Variants in FMN1 observed in about 807,000 individuals in gnomAD.
FMN1 encodes the protein formin-1.
In FMN1, 110 loss-of-function variants were observed where a neutral mutation model predicts 132.4. The observed-to-expected ratio is 0.83, with a 90% CI of 0.71 to 0.97. The LOEUF (loss-of-function observed/expected upper bound fraction) is 0.97, where lower values mean the gene tolerates loss of function less well. Ranked by LOEUF, FMN1 falls within the 50% of genes least tolerant of loss-of-function variation. The pLI, the probability that FMN1 is intolerant of heterozygous loss-of-function variation, is 0.00. For missense variants in FMN1, 1,792 were observed against 1,705.3 expected (o/e 1.05, Z -0.90); for synonymous variants, 722 against 651.7 (o/e 1.11, Z -1.64).
intron 17 of FMN1, among the ~76,000 whole-genome samples, chr15:32,845,921 A>G (rs2058844671): frequency 6.6e-6 from 1 of 152,038 alleles, no homozygotes; most frequent in Admixed American, 6.6e-5. Context: ...TCATAATGAC[A>G]CTGTGTACTA....
chr15:33,056,224 G>A (rs543480896), intron 6 of FMN1, among the ~76,000 whole-genome samples: 1 of 152,278 alleles, frequency 6.6e-6, no homozygotes, highest in African/African-American at 2.4e-5. Context: ...ATGTCTCCCT[G>A]TATTTACCAA....
chr15:32,778,927 C>A (rs768881046), intron 19 of FMN1, among the ~76,000 whole-genome samples: 4 of 151,978 alleles, frequency 2.6e-5, no homozygotes, highest in Non-Finnish European at 4.4e-5. Flanking sequence ...ATTTCCATCA[C>A]CTGATGGAAA....
At chr15:32,916,730 A>C (rs1053503115) in intron 10 of FMN1, among the ~76,000 whole-genome samples, 1 of 152,228 alleles carries the variant, frequency 6.6e-6, no homozygotes, top group Non-Finnish European at 1.5e-5. Flanking sequence ...CCAGCCCAGG[A>C]AAGCAAAGTT....
In FMN1 at chr15:32,969,168, T is replaced by C. The variant is rs376674348; in HGVS notation, c.2533A>G (p.Asn845Asp). 197 of 1,613,682 alleles carry C rather than the reference T, an allele frequency of 1.2e-4. No homozygotes were observed. Among genetic ancestry groups the C allele is most frequent in the Middle Eastern group, 1.6e-4 (1 of 6,084 alleles). Residue 845 changes from asparagine to aspartate, a missense_variant, in exon 8 of 21, where the codon AAT (asparagine) becomes GAT (aspartate). Around this residue, in one of 3 missense-constraint regions of FMN1, gnomAD observed 1,150 missense variants for 1,043.1 expected, o/e 1.10. Coordinates refer to ENST00000616417, the MANE Select transcript of FMN1 (RefSeq NM_001277313.2). ...ISSLSQLSPP[N>D]DHKDIHAALQ... ...GCTGCATGGATGTCTTTGTGGTCAT[T>C]TGGGGGTGAGAGCTGGCTTAAAGAG...
Position 33,066,647 on chromosome 15 carries a change from G to T in FMN1, c.2044-1573C>A, listed in dbSNP as rs781446079. On this transcript the variant is annotated intron_variant, in intron 5 of 20. Coordinates refer to ENST00000616417, the MANE Select transcript of FMN1 (RefSeq NM_001277313.2). The stretch of plus-strand genomic sequence containing the variant: ...GGTGTCAGCTGTGGTCCCCTTTCTG[G>T]GGGGCCGGATGAATAGGGCTTTAAA... The T allele has an allele frequency of 5.6e-6, 9 of 1,613,808 alleles. No individual in the cohort carries two copies. The East Asian group carries it at 2.0e-4, about 36-fold the overall frequency.
intron 17 of FMN1, among the ~76,000 whole-genome samples, chr15:32,805,120 C>G (rs1169693887): frequency 2.0e-5 from 3 of 152,044 alleles, no homozygotes; most frequent in African/African-American, 7.2e-5. Flanking sequence ...AATTTACACT[C>G]CCAACAGTGT....
At chr15:32,853,287 T>C (rs2059050404) in intron 17 of FMN1, among the ~76,000 whole-genome samples, 2 of 152,244 alleles carry the variant, frequency 1.3e-5, no homozygotes, top group Admixed American at 1.3e-4. Context: ...TGATTCTATA[T>C]GCCTAATTAT....
At chr15:32,907,811 G>A (rs2060463428) in intron 12 of FMN1, among the ~76,000 whole-genome samples, 1 of 150,640 alleles carries the variant, frequency 6.6e-6, no homozygotes, top group Non-Finnish European at 1.5e-5. Context: ...GTCTCACAGA[G>A]TCCTAAGCCC....
At chr15:33,168,198 C>T (rs960457662) in intron 3 of FMN1, among the ~76,000 whole-genome samples, 8 of 152,190 alleles carry the variant, frequency 5.3e-5, no homozygotes, top group Non-Finnish European at 8.8e-5. Flanking sequence ...TTAAAAGTCT[C>T]TCTGAGTAAA....
At chr15:32,897,785 C>A (rs2060195897) in intron 15 of FMN1, among the ~76,000 whole-genome samples, 1 of 150,478 alleles carries the variant, frequency 6.6e-6, no homozygotes, top group Non-Finnish European at 1.5e-5. Flanking sequence ...GTGAAATTCT[C>A]CAAGTGAGTG....
chr15:33,081,167 A>C, intron 5 of FMN1, among the ~76,000 whole-genome samples: 1 of 152,154 alleles, frequency 6.6e-6, no homozygotes. Context: ...TTAAGACAAG[A>C]GCCTGGACCG....
At chr15:32,827,613 G>A (rs1203812674) in intron 17 of FMN1, among the ~76,000 whole-genome samples, 1 of 152,148 alleles carries the variant, frequency 6.6e-6, no homozygotes, top group Non-Finnish European at 1.5e-5. Context: ...CACTCTGGGA[G>A]GCCGAGACAG....
chr15:33,101,309 T>C (rs7177958), intron 4 of FMN1, among the ~76,000 whole-genome samples: 17,863 of 152,108 alleles, frequency 0.12, 1,932 homozygotes, highest in East Asian at 0.61. Context: ...GTAAATTCAG[T>C]TAATGGTATT....
intron 9 of FMN1, among the ~76,000 whole-genome samples, chr15:32,963,776 A>C (rs974095115): frequency 6.6e-6 from 1 of 152,198 alleles, no homozygotes; most frequent in Non-Finnish European, 1.5e-5. Context: ...TCCAGATTAA[A>C]TTTTGAAAAT....
intron 7 of FMN1, among the ~76,000 whole-genome samples, chr15:33,005,347 G>C (rs1026707850): frequency 1.3e-5 from 2 of 152,154 alleles, no homozygotes; most frequent in Non-Finnish European, 2.9e-5. Context: ...ATCATCAAAA[G>C]AGCAGATGAT....
chr15:32,993,913 G>T (rs34895520), intron 7 of FMN1, among the ~76,000 whole-genome samples: 1 of 94,460 alleles, frequency 1.1e-5, no homozygotes, highest in South Asian at 3.0e-4. Context: ...GGGGCGGGGT[G>T]GGGGGGGTCT....
At chr15:33,022,097 T>C (rs910423274) in intron 6 of FMN1, among the ~76,000 whole-genome samples, 2 of 152,240 alleles carry the variant, frequency 1.3e-5, no homozygotes, top group East Asian at 3.8e-4. Flanking sequence ...CATTTGTGTA[T>C]AACCTATGCA....
At chr15:33,046,899 ATAAGG>A (rs2036713004) in intron 6 of FMN1, among the ~76,000 whole-genome samples, 1 of 152,188 alleles carries the variant, frequency 6.6e-6, no homozygotes, top group South Asian at 2.1e-4. Flanking sequence ...CGGTTCTATC[ATAAGG>A]AAGAATACCG....
intron 4 of FMN1, among the ~76,000 whole-genome samples, chr15:33,135,613 G>A (rs2140237883): frequency 6.6e-6 from 1 of 152,334 alleles, no homozygotes; most frequent in South Asian, 2.1e-4. Flanking sequence ...CGTGCCAGAG[G>A]TTAGTGAAGC....
Sources: allele counts gnomAD v4.1 joint callset (sites outside exome capture counted in the v4.1 genomes callset), GRCh38; gene constraint gnomAD v4.1.1; regional missense constraint gnomAD v4.1.1; transcripts MANE v1.5; gene names NCBI Gene and HGNC (gene_info 2026-07-23, HGNC 2026-07-21).